The following REC114 variants were observed in gnomAD, a reference collection of about 807,000 sequenced individuals.
REC114 encodes the protein REC114 meiotic recombination protein.
In REC114, 27 loss-of-function variants were observed where a neutral mutation model predicts 31.3. The ratio of observed to expected loss-of-function variants is 0.86; its 90% CI spans 0.64 to 1.19. The LOEUF is 1.19. Ranked by LOEUF, REC114 falls within the 50% of genes most tolerant of loss-of-function variation. The pLI, the probability that REC114 is intolerant of heterozygous loss-of-function variation, is 0.00. For missense variants in REC114, 344 were observed against 326.9 expected (o/e 1.05, Z -0.40); for synonymous variants, 134 against 127.7 (o/e 1.05, Z -0.33).
At chr15:73,465,627 C>T (rs2151255744) in intron 1 of REC114, among the ~76,000 whole-genome samples, 1 of 152,192 alleles carries the variant, frequency 6.6e-6, no homozygotes, top group South Asian at 2.1e-4. Flanking sequence ...GTGCCTAGAA[C>T]ATCTGACACC....
intron 2 of REC114, chr15:73,484,082 T>G (rs1034483065): frequency 3.3e-5 from 5 of 152,196 alleles, no homozygotes; most frequent in African/African-American, 7.2e-5. Flanking sequence ...GGAATTGGTG[T>G]TGTTTTTTTA....
chr15:73,510,379 C>T (rs968710591), intron 2 of REC114, among the ~76,000 whole-genome samples: 40 of 152,226 alleles, frequency 2.6e-4, no homozygotes, highest in African/African-American at 9.1e-4. Flanking sequence ...ACAATCATGT[C>T]GTCTGCAAAC....
chr15:73,523,400 T>C (rs1893963126), intron 2 of REC114, among the ~76,000 whole-genome samples: 1 of 151,908 alleles, frequency 6.6e-6, no homozygotes, highest in South Asian at 2.1e-4. Context: ...AGCCTGTGCC[T>C]TATTGGAACA....
intron 5 of REC114, among the ~76,000 whole-genome samples, chr15:73,557,434 G>GA (rs999333655): frequency 7.5e-6 from 1 of 133,760 alleles, no homozygotes; most frequent in African/African-American, 2.7e-5. Flanking sequence ...AAAAAAAAAA[G>GA]AAAAAAAGGG....
intron 1 of REC114, among the ~76,000 whole-genome samples, chr15:73,473,449 G>A (rs1893162355): frequency 6.6e-6 from 1 of 151,986 alleles, no homozygotes. Flanking sequence ...TTGGGACTGT[G>A]AAGTCTTACA....
At chr15:73,543,107 C>T (rs903483072) in intron 3 of REC114, among the ~76,000 whole-genome samples, 2 of 152,096 alleles carry the variant, frequency 1.3e-5, no homozygotes, top group African/African-American at 4.8e-5. Flanking sequence ...CAGAAATAAG[C>T]ATATTCCTTT....
intron 2 of REC114, among the ~76,000 whole-genome samples, chr15:73,484,389 T>C (rs1251115420): frequency 6.6e-6 from 1 of 152,174 alleles, no homozygotes; most frequent in East Asian, 1.9e-4. Context: ...CCTCCTCGGC[T>C]TCTTCTGTCC....
chr15:73,458,823 C>A (rs572375905), intron 1 of REC114, among the ~76,000 whole-genome samples: 1 of 152,160 alleles, frequency 6.6e-6, no homozygotes, highest in South Asian at 2.1e-4. Flanking sequence ...CCTAGCTGCA[C>A]GGGCAGCTGG....
chr15:73,551,850 G>T (rs951039711), intron 4 of REC114, among the ~76,000 whole-genome samples: 6 of 152,160 alleles, frequency 3.9e-5, no homozygotes, highest in African/African-American at 1.4e-4. Context: ...TAAAATTTAA[G>T]CTTCCAAGTG....
chr15:73,550,768 G>A (rs1490815691), intron 3 of REC114, among the ~76,000 whole-genome samples, 170 bp from the exon 4 acceptor site: 1 of 152,088 alleles, frequency 6.6e-6, no homozygotes, highest in Non-Finnish European at 1.5e-5. Context: ...CCAAAAGGGG[G>A]AAGAAAATGA....
chr15:73,521,987 T>G (rs891522984), intron 2 of REC114, among the ~76,000 whole-genome samples: 1 of 152,200 alleles, frequency 6.6e-6, no homozygotes, highest in Non-Finnish European at 1.5e-5. Flanking sequence ...GAATTGGGTT[T>G]CTTTAAAGTA....
intron 2 of REC114, among the ~76,000 whole-genome samples, chr15:73,513,909 C>T (rs1025360653): frequency 3.7e-4 from 56 of 152,066 alleles, no homozygotes; most frequent in Non-Finnish European, 6.8e-4. Context: ...TTTGTCTGTG[C>T]CCTGCCCCCA....
At chr15:73,536,012 T>C (rs1177009482) in intron 2 of REC114, among the ~76,000 whole-genome samples, 2 of 149,734 alleles carry the variant, frequency 1.3e-5, no homozygotes, top group South Asian at 2.2e-4. Flanking sequence ...TTACACCTTA[T>C]ACAAAAATCA....
At chr15:73,446,413 G>A (rs568958006) in intron 1 of REC114, among the ~76,000 whole-genome samples, 1 of 152,328 alleles carries the variant, frequency 6.6e-6, no homozygotes, top group South Asian at 2.1e-4. Context: ...GCTGAGGCAG[G>A]CGGATCACCT....
At chr15:73,544,336 T>A (rs1894280779) in intron 3 of REC114, among the ~76,000 whole-genome samples, 1 of 152,198 alleles carries the variant, frequency 6.6e-6, no homozygotes, top group Non-Finnish European at 1.5e-5. Flanking sequence ...GCATCTTGGC[T>A]TGGATAACTT....
At chr15:73,451,950 CT>C (rs1892855906) in intron 1 of REC114, among the ~76,000 whole-genome samples, 1 of 152,162 alleles carries the variant, frequency 6.6e-6, no homozygotes, top group Non-Finnish European at 1.5e-5. Flanking sequence ...ATGCTAAAAA[CT>C]CTTAATAAAC....
At chr15:73,513,429 C>T in intron 2 of REC114, among the ~76,000 whole-genome samples, 1 of 148,544 alleles carries the variant, frequency 6.7e-6, no homozygotes, top group Non-Finnish European at 1.5e-5. Flanking sequence ...TCGTCTGAAG[C>T]CTTCTTCTCT....
intron 2 of REC114, among the ~76,000 whole-genome samples, chr15:73,539,660 G>T (rs1894213019): frequency 1.3e-5 from 2 of 151,860 alleles, no homozygotes; most frequent in Admixed American, 1.3e-4. Context: ...TACTCCAGCA[G>T]CCTTCCCTGG....
At chr15:73,484,882 CG>C (rs1242187603) in intron 2 of REC114, among the ~76,000 whole-genome samples, 1 of 152,154 alleles carries the variant, frequency 6.6e-6, no homozygotes, top group African/African-American at 2.4e-5. Context: ...TTTTCACACC[CG>C]GCCCAAATGT....
Sources: allele counts gnomAD v4.1 joint callset (sites outside exome capture counted in the v4.1 genomes callset), GRCh38; gene constraint gnomAD v4.1.1; transcripts MANE v1.5; gene names NCBI Gene and HGNC (gene_info 2026-07-23, HGNC 2026-07-21).